The following SLC16A7 variants were observed in gnomAD, a reference collection of about 807,000 sequenced individuals.
SLC16A7 encodes monocarboxylate transporter 2.
SLC16A7 carries 33 observed loss-of-function variants against 34.9 expected under a neutral mutation model. The observed-to-expected ratio is 0.94, with a 90% CI of 0.72 to 1.26. The LOEUF (loss-of-function observed/expected upper bound fraction) is 1.26, where lower values mean the gene tolerates loss of function less well. Among genes scored for constraint, SLC16A7 ranks in the 50% most tolerant of loss-of-function variants. The pLI, the probability that SLC16A7 is intolerant of heterozygous loss-of-function variation, is 0.00. For missense variants in SLC16A7, 573 were observed against 578.1 expected (o/e 0.99, Z 0.09); for synonymous variants, 201 against 206.6 (o/e 0.97, Z 0.23).
In SLC16A7 at chr12:59,782,319, A is replaced by ACTT. The variant is rs1380601180; in HGVS notation, c.*2641_*2643dup. On this transcript the variant is annotated 3_prime_UTR_variant, in exon 6 of 6. Transcript: ENST00000547379. ...TTGTTCACTCTCCCCACCCTCTTGA[A>ACTT]CTTGTTAGAAGATTTGCTGCTTTAG... The ACTT allele has an allele frequency of 6.6e-6, 1 of 152,160 alleles. No homozygotes were observed. Among genetic ancestry groups the ACTT allele is most frequent in the African/African-American group, 2.4e-5 (1 of 41,442 alleles). The allele number at this position is 152,160 out of a possible 1,614,324, so 9.4% of individuals were successfully genotyped here.
At chr12:59,752,249 G>A (rs898849497) in intron 3 of SLC16A7, among the ~76,000 whole-genome samples, 2 of 152,216 alleles carry the variant, frequency 1.3e-5, no homozygotes, top group African/African-American at 4.8e-5. Flanking sequence ...AACAAAGCTG[G>A]ACGGAGAATG....
In SLC16A7 at chr12:59,786,216, A is replaced by AATAAAAT. The variant is rs1335953241; in HGVS notation, c.*6538_*6539insTAAAATA. 3.7e-4 allele frequency: 56 copies of AATAAAAT among 150,756 alleles called. No individual in the cohort carries two copies. The highest frequency in any genetic ancestry group is 1.3e-3 in the African/African-American group (55 of 41,056). The allele number at this position is 150,756 out of a possible 1,614,324, so 9.3% of individuals were successfully genotyped here. On this transcript the variant is annotated 3_prime_UTR_variant, in exon 6 of 6. Transcript: ENST00000547379. ...TAAATAAAATAAAATAAAATAATAA[A>AATAAAAT]AATAAAAATAAAATAGAATAAGTTG...
intron 3 of SLC16A7, among the ~76,000 whole-genome samples, chr12:59,744,250 A>C (rs1555177066): frequency 6.6e-6 from 1 of 151,286 alleles, no homozygotes; most frequent in African/African-American, 2.4e-5. Flanking sequence ...ATAACCCCCC[A>C]CCCAGCACCC....
At chr12:59,663,600 A>G (rs1000169446) in intron 2 of SLC16A7, among the ~76,000 whole-genome samples, 2 of 152,138 alleles carry the variant, frequency 1.3e-5, no homozygotes, top group Non-Finnish European at 2.9e-5. Flanking sequence ...CAGTAAATAT[A>G]TAGACTGCTT....
intron 1 of SLC16A7, among the ~76,000 whole-genome samples, chr12:59,645,427 G>T (rs1055335360): frequency 6.6e-6 from 1 of 152,184 alleles, no homozygotes; most frequent in Admixed American, 6.5e-5. Flanking sequence ...GTTCTCACAA[G>T]ATTTGATGGT....
Position 59,716,328 on chromosome 12 carries a change from A to G in SLC16A7, c.217+11310A>G, listed in dbSNP as rs551346368. Among the ~76,000 whole-genome samples, 6 of 152,318 alleles carry G rather than the reference A, an allele frequency of 3.9e-5. No homozygotes were observed. The East Asian group carries it at 1.2e-3, about 29-fold the overall frequency. On this transcript the variant is annotated intron_variant, in intron 3 of 5. Coordinates refer to ENST00000547379, the MANE Select transcript of SLC16A7 (RefSeq NM_001270623.2). ...CATTCTTGGAAGGCTGAAATGGAAT[A>G]AAACCGTTAAATAGAACTCCGATCT...
chr12:59,712,667 A>C (rs1874374657), intron 3 of SLC16A7, among the ~76,000 whole-genome samples: 1 of 152,192 alleles, frequency 6.6e-6, no homozygotes, highest in African/African-American at 2.4e-5. Flanking sequence ...GGTTATAGGT[A>C]ATTAATAATC....
At chr12:59,600,559 G>A (rs1244651949) in intron 1 of SLC16A7, among the ~76,000 whole-genome samples, 1 of 151,994 alleles carries the variant, frequency 6.6e-6, no homozygotes, top group Admixed American at 6.5e-5. Context: ...GAGAGATCCA[G>A]CTGTTTAAAA....
At chr12:59,716,518 T>C (rs1874922125) in intron 3 of SLC16A7, among the ~76,000 whole-genome samples, 1 of 152,162 alleles carries the variant, frequency 6.6e-6, no homozygotes, top group African/African-American at 2.4e-5. Context: ...TCCCAGATAA[T>C]CCTGAGTTCA....
At chr12:59,770,975 G>A (rs891174557) in intron 3 of SLC16A7, among the ~76,000 whole-genome samples, 3 of 151,732 alleles carry the variant, frequency 2.0e-5, no homozygotes, top group Non-Finnish European at 2.9e-5. Context: ...TGGTTACAAC[G>A]AAATATATGT....
chr12:59,753,352 A>G (rs1879842441), intron 3 of SLC16A7, among the ~76,000 whole-genome samples: 1 of 152,226 alleles, frequency 6.6e-6, no homozygotes. Context: ...TGCTGTATTC[A>G]GGAAACCCAT....
chr12:59,614,852 A>C (rs1030931554), intron 1 of SLC16A7, among the ~76,000 whole-genome samples: 1 of 148,072 alleles, frequency 6.8e-6, no homozygotes, highest in Non-Finnish European at 1.5e-5. Flanking sequence ...AAAAAAAAAA[A>C]ATTAGCCAGG....
intron 3 of SLC16A7, among the ~76,000 whole-genome samples, chr12:59,758,637 A>G (rs949098955): frequency 6.6e-6 from 1 of 152,164 alleles, no homozygotes; most frequent in Non-Finnish European, 1.5e-5. Context: ...TTACCAGTTT[A>G]TATGTACATA....
At chr12:59,745,869 A>T (rs1230501563) in intron 3 of SLC16A7, among the ~76,000 whole-genome samples, 1 of 152,240 alleles carries the variant, frequency 6.6e-6, no homozygotes, top group African/African-American at 2.4e-5. Flanking sequence ...TGTTTAAAAC[A>T]TAGTGGGTAC....
In SLC16A7 at chr12:59,785,850, C is replaced by T. The variant is rs545233612; in HGVS notation, c.*6171C>T. 1 of 151,984 alleles carries T rather than the reference C, an allele frequency of 6.6e-6. No individual in the cohort carries two copies. The highest frequency in any genetic ancestry group is 1.5e-5 in the Non-Finnish European group (1 of 68,002). The allele number at this position is 151,984 out of a possible 1,614,324, so 9.4% of individuals were successfully genotyped here. ...GAATCTCAGTGTGAAAACACTGATA[C>T]TGAACATTCTATTAAAATAGAATAA... On this transcript the variant is annotated 3_prime_UTR_variant, in exon 6 of 6. Transcript: ENST00000547379.
intron 1 of SLC16A7, among the ~76,000 whole-genome samples, chr12:59,621,060 GC>G (rs900031239): frequency 1.3e-5 from 2 of 151,834 alleles, no homozygotes; most frequent in African/African-American, 4.8e-5. Flanking sequence ...CAAGTCTAAG[GC>G]AAGACTTGGT....
chr12:59,688,229 G>A (rs1313076579), intron 2 of SLC16A7, among the ~76,000 whole-genome samples: 4 of 152,010 alleles, frequency 2.6e-5, no homozygotes, highest in African/African-American at 4.8e-5. Flanking sequence ...CTGGAATGGT[G>A]GAGGCAGAAA....
Position 59,704,753 on chromosome 12 carries a change from T to C in SLC16A7, c.-30-19T>C, listed in dbSNP as rs940014094. On this transcript the variant is annotated intron_variant, in intron 2 of 5. Coordinates refer to ENST00000547379, the MANE Select transcript of SLC16A7 (RefSeq NM_001270623.2). Reference sequence around the variant, plus strand: ...AGGGGAAATAAAATTTAAACTGTTATTTCATTATTTTAATATAGGTTACTT... The same window carrying C: ...AGGGGAAATAAAATTTAAACTGTTACTTCATTATTTTAATATAGGTTACTT... 4.7e-6 allele frequency: 6 copies of C among 1,278,872 alleles called. No homozygotes were observed. The African/African-American group carries it at 6.0e-5, about 13-fold the overall frequency. 79.2% of individuals were successfully genotyped at this position (1,278,872 alleles called of 1,614,324 possible). A position where few individuals can be genotyped will look rare whatever the true frequency, so the allele number is the denominator to read the frequency against.
chr12:59,706,250 C>T (rs1364610828), intron 3 of SLC16A7, among the ~76,000 whole-genome samples: 1 of 152,072 alleles, frequency 6.6e-6, no homozygotes, highest in Non-Finnish European at 1.5e-5. Context: ...AGCTCAGTGG[C>T]TTGTGTACCA....
Sources: allele counts gnomAD v4.1 joint callset (sites outside exome capture counted in the v4.1 genomes callset), GRCh38; gene constraint gnomAD v4.1.1; transcripts MANE v1.5; gene names NCBI Gene and HGNC (gene_info 2026-07-23, HGNC 2026-07-21).